The following TMCC1 variants were observed in gnomAD, a reference collection of about 807,000 sequenced individuals.
TMCC1 encodes transmembrane and coiled-coil domains protein 1.
Under a neutral mutation model 52.4 loss-of-function variants are expected in TMCC1, and 15 were observed. That is an observed-to-expected ratio of 0.29 (90% CI 0.19 to 0.44). The LOEUF (loss-of-function observed/expected upper bound fraction) is 0.44. TMCC1 is among the 20% of genes least tolerant of loss of function. The pLI is 1.00. For missense variants in TMCC1, 503 were observed against 806.0 expected (o/e 0.62, Z 4.55); for synonymous variants, 279 against 301.9 (o/e 0.92, Z 0.79).
Position 129,651,380 on chromosome 3 carries a change from C to CTTTTTT in TMCC1, c.*95_*100dup. The CTTTTTT allele has an allele frequency of 7.8e-7, 1 of 1,275,420 alleles. No homozygotes were observed. 79.0% of individuals were successfully genotyped at this position (1,275,420 alleles called of 1,614,324 possible). A position where few individuals can be genotyped will look rare whatever the true frequency, so the allele number is the denominator to read the frequency against. On this transcript the variant is annotated 3_prime_UTR_variant, in exon 7 of 7. Coordinates refer to ENST00000393238, the MANE Select transcript of TMCC1 (RefSeq NM_001017395.5). The surrounding 1 kb of genome is among the most constrained non-coding windows in gnomAD (Gnocchi z 5.1). ...TAAATGTAAACAGATTCACTCAACTCTTTTTTTGTTGTAGAAAACTTCAGA... is the reference window on the plus strand; with the variant it reads ...TAAATGTAAACAGATTCACTCAACTCTTTTTTTTTTTTTGTTGTAGAAAACTTCAGA...
intron 4 of TMCC1, among the ~76,000 whole-genome samples, chr3:129,821,596 A>G (rs1232734114): frequency 6.6e-6 from 1 of 152,206 alleles, no homozygotes; most frequent in East Asian, 1.9e-4. Flanking sequence ...TCTTAAGGCA[A>G]TAAGATAACA....
chr3:129,711,024 C>T (rs1257205624), intron 4 of TMCC1, among the ~76,000 whole-genome samples: 2 of 152,076 alleles, frequency 1.3e-5, no homozygotes, highest in African/African-American at 2.4e-5. Flanking sequence ...CCACCATGCC[C>T]GGCTAATTTT....
chr3:129,715,106 C>T (rs2048973877), intron 4 of TMCC1, among the ~76,000 whole-genome samples: 1 of 152,112 alleles, frequency 6.6e-6, no homozygotes, highest in South Asian at 2.1e-4. Context: ...ACCCACCCTC[C>T]CACTCTTCCT....
chr3:129,728,346 T>A (rs2050272016), intron 4 of TMCC1, among the ~76,000 whole-genome samples: 2 of 152,134 alleles, frequency 1.3e-5, no homozygotes, highest in African/African-American at 4.8e-5. Flanking sequence ...AGTGCAATGG[T>A]GCGATCTTGA....
rs1280626672 is a variant in TMCC1, at chr3:129,650,513, A to G, written c.*968T>C. 6.6e-6 allele frequency: 1 copy of G among 152,616 alleles called. No individual in the cohort carries two copies. The highest frequency in any genetic ancestry group is 1.5e-5 in the Non-Finnish European group (1 of 68,066). 9.5% of individuals were successfully genotyped at this position (152,616 alleles called of 1,614,324 possible). A position where few individuals can be genotyped will look rare whatever the true frequency, so the allele number is the denominator to read the frequency against. On this transcript the variant is annotated 3_prime_UTR_variant, in exon 7 of 7. Coordinates refer to ENST00000393238, the MANE Select transcript of TMCC1 (RefSeq NM_001017395.5). ...AGACTTTCTTACTCAAACTGTTTCA[A>G]GACAAGAGGGAGCAGCACACTTAAA... is the stretch of plus-strand genomic sequence containing the variant.
intron 4 of TMCC1, among the ~76,000 whole-genome samples, chr3:129,706,036 G>A (rs1344250912): frequency 4.6e-5 from 7 of 150,972 alleles, no homozygotes; most frequent in African/African-American, 7.3e-5. Flanking sequence ...GATTACAAGC[G>A]TGCGCCACCA....
chr3:129,824,586 C>T (rs1243106685), intron 4 of TMCC1, among the ~76,000 whole-genome samples: 1 of 152,178 alleles, frequency 6.6e-6, no homozygotes, highest in East Asian at 1.9e-4. Context: ...TAGCCATAAA[C>T]ATTCTGGCTT....
chr3:129,660,697 T>G (rs1209572363), intron 5 of TMCC1, among the ~76,000 whole-genome samples: 1 of 152,248 alleles, frequency 6.6e-6, no homozygotes, highest in Non-Finnish European at 1.5e-5. Context: ...ACTGGCCATT[T>G]CCAAACTTTC....
At chr3:129,702,406 T>C (rs1227125159) in intron 4 of TMCC1, among the ~76,000 whole-genome samples, 2 of 152,148 alleles carry the variant, frequency 1.3e-5, no homozygotes, top group Non-Finnish European at 2.9e-5. Context: ...AAAATATATA[T>C]TGAGAAATTT....
chr3:129,734,138 TG>T (rs1397603317), intron 4 of TMCC1, among the ~76,000 whole-genome samples: 1 of 152,240 alleles, frequency 6.6e-6, no homozygotes, highest in African/African-American at 2.4e-5. Flanking sequence ...ACTGTAGCAC[TG>T]TTTATGAAAC....
intron 4 of TMCC1, among the ~76,000 whole-genome samples, chr3:129,750,136 TAGGTA>T (rs1387444019): frequency 6.6e-6 from 1 of 152,210 alleles, no homozygotes; most frequent in Non-Finnish European, 1.5e-5. Flanking sequence ...TTGTTTCTCT[TAGGTA>T]AAAGAATGTT....
chr3:129,893,587 C>A lies in TMCC1; in HGVS notation c.-528G>T, dbSNP rs2062087921. The A allele has an allele frequency of 1.3e-5, 2 of 152,494 alleles. No individual in the cohort carries two copies. The highest frequency in any genetic ancestry group is 1.8e-4 in the South Asian group (1 of 5,644). 9.4% of individuals were successfully genotyped at this position (152,494 alleles called of 1,614,324 possible). On this transcript the variant is annotated 5_prime_UTR_variant, in exon 1 of 7. An upstream start codon of the reference 5' UTR is lost. Coordinates refer to ENST00000393238, the MANE Select transcript of TMCC1 (RefSeq NM_001017395.5). ...TCCACTGCGGCCGCCGCACCCGGTC[C>A]ATCCCCCACAACCACCCCCCCCTCC...
At chr3:129,750,733 C>T (rs2052431099) in intron 4 of TMCC1, among the ~76,000 whole-genome samples, 1 of 150,514 alleles carries the variant, frequency 6.6e-6, no homozygotes, top group African/African-American at 2.4e-5. Context: ...TGCCACCATG[C>T]CCGGCTAATT....
chr3:129,708,616 T>A (rs1345986144), intron 4 of TMCC1, among the ~76,000 whole-genome samples: 1 of 152,248 alleles, frequency 6.6e-6, no homozygotes, highest in Admixed American at 6.5e-5. Flanking sequence ...CTGTTTGACA[T>A]CTTCAACTGA....
At chr3:129,658,131 C>T (rs1389681023) in intron 5 of TMCC1, among the ~76,000 whole-genome samples, 1 of 152,202 alleles carries the variant, frequency 6.6e-6, no homozygotes, top group Non-Finnish European at 1.5e-5. Context: ...TTCTTCCTTT[C>T]TCCTTCAATC....
intron 5 of TMCC1, among the ~76,000 whole-genome samples, chr3:129,665,337 G>T (rs4306849): frequency 1.3e-5 from 2 of 152,162 alleles, no homozygotes; most frequent in African/African-American, 4.8e-5. Context: ...TCCAGAGTTA[G>T]GCAGATGGTC....
intron 4 of TMCC1, among the ~76,000 whole-genome samples, chr3:129,770,203 TATTTATTGAGGCATTAAGAAA>T (rs2054445501): frequency 1.3e-5 from 2 of 152,142 alleles, no homozygotes; most frequent in African/African-American, 4.8e-5. Flanking sequence ...TAACTATACG[TATTTATTGAGGCATTAAGAAA>T]AAATGTTTCA....
chr3:129,792,884 T>C (rs1255157939), intron 4 of TMCC1, among the ~76,000 whole-genome samples: 1 of 152,152 alleles, frequency 6.6e-6, no homozygotes, highest in Non-Finnish European at 1.5e-5. Flanking sequence ...TTTTTGTAAA[T>C]CAGTCATATA....
chr3:129,832,126 G>A (rs944295532), intron 3 of TMCC1, among the ~76,000 whole-genome samples: 3 of 152,104 alleles, frequency 2.0e-5, no homozygotes, highest in African/African-American at 7.2e-5. Context: ...CAAAGTGCTA[G>A]GATTATAGGC....
Sources: gnomAD v4.1 joint callset for allele counts (sites outside exome capture counted in the v4.1 genomes callset) on GRCh38, gnomAD v4.1.1 for gene constraint, Gnocchi (gnomAD v3.1) non-coding constraint, MANE v1.5 for transcripts, NCBI Gene and HGNC (gene_info 2026-07-23, HGNC 2026-07-21) for gene names.